Variants in CMAS observed in about 807,000 individuals in gnomAD.
CMAS encodes the protein N-acylneuraminate cytidylyltransferase.
In CMAS, 21 loss-of-function variants were observed where a neutral mutation model predicts 53.4. That is an observed-to-expected ratio of 0.39 (90% CI 0.28 to 0.57). The LOEUF (loss-of-function observed/expected upper bound fraction) is 0.57. CMAS is among the 20% of genes least tolerant of loss of function. CMAS has a pLI of 0.56. For missense variants in CMAS, 384 were observed against 534.9 expected, an observed-to-expected ratio of 0.72 and a Z score of 2.78; for synonymous variants, 189 against 195.2, an observed-to-expected ratio of 0.97 and a Z score of 0.27.
chr12:22,057,226 T>TACACACACACACACACACACACACACAC (rs71053371), intron 3 of CMAS, among the ~76,000 whole-genome samples: 1 of 133,852 alleles, frequency 7.5e-6, no homozygotes, highest in African/African-American at 2.9e-5. Flanking sequence ...AACCAGCTAT[T>TACACACACACACACACACACACACACAC]ACACACACAC....
chr12:22,060,948 T>C (rs755624595), intron 5 of CMAS, 22 bp downstream of exon 5: 1 of 1,315,078 alleles, frequency 7.6e-7, no homozygotes, highest in East Asian at 2.3e-5. Context: ...TAAACCTTTA[T>C]AACCTTTGTA....
intron 3 of CMAS, among the ~76,000 whole-genome samples, chr12:22,056,747 C>CT (rs569310819): frequency 4.9e-4 from 75 of 152,274 alleles, no homozygotes; most frequent in Admixed American, 1.0e-3. Flanking sequence ...AGATGACAAT[C>CT]TGTAACTCAA....
chr12:22,061,487 T>C, intron 6 of CMAS, 35 bp downstream of exon 6: 1 of 1,378,060 alleles, frequency 7.3e-7, no homozygotes, highest in South Asian at 1.4e-5. Flanking sequence ...TATTTTATAA[T>C]ATTTTGATTC....
At position 22,065,488 on chromosome 12, in the gene CMAS, C is replaced by T. The variant is rs1048499050; in HGVS notation, c.*177C>T. 7 of 545,074 alleles carry T rather than the reference C, an allele frequency of 1.3e-5. No homozygotes were observed. Among genetic ancestry groups the T allele is most frequent in the African/African-American group, 1.1e-4 (6 of 53,120 alleles). 33.8% of individuals were successfully genotyped at this position (545,074 alleles called of 1,614,324 possible). On this transcript the variant is annotated 3_prime_UTR_variant, in exon 8 of 8. Coordinates refer to ENST00000229329, the MANE Select transcript of CMAS (RefSeq NM_018686.6). ...AAGATAATTATTTAGAGACTGATTA[C>T]AGTCTTTCTCAGATTTTTAGTAAAT...
chr12:22,053,488 G>GCA (rs1565529614), intron 1 of CMAS, among the ~76,000 whole-genome samples: 1 of 144,806 alleles, frequency 6.9e-6, no homozygotes, highest in Non-Finnish European at 1.5e-5. Context: ...GTTTGTGTGT[G>GCA]TATATATATA....
chr12:22,053,866 G>A (rs1565529728), intron 1 of CMAS, among the ~76,000 whole-genome samples: 1 of 149,686 alleles, frequency 6.7e-6, no homozygotes, highest in Non-Finnish European at 1.5e-5. Flanking sequence ...GAGACACAGC[G>A]AGACTCCGTC....
At chr12:22,062,144 G>A (rs1591795198) in intron 6 of CMAS, 137 bp from the exon 7 acceptor site, 1 of 662,790 alleles carries the variant, frequency 1.5e-6, no homozygotes, top group Non-Finnish European at 2.3e-6. Context: ...TTTCTTACTT[G>A]GACCTTCAGA....
At chr12:22,054,327 C>T (rs1022081404) in intron 1 of CMAS, among the ~76,000 whole-genome samples, 2 of 152,188 alleles carry the variant, frequency 1.3e-5, no homozygotes, top group African/African-American at 4.8e-5. Context: ...GTACCCCTCT[C>T]CAAAACAGCA....
chr12:22,064,027 T>A (rs183305042), intron 7 of CMAS: 158 of 152,294 alleles, frequency 1.0e-3, no homozygotes, highest in African/African-American at 3.6e-3. Context: ...CTTTTATAAG[T>A]AAAATTTAGT....
At chr12:22,048,116 A>G (rs1950218237) in intron 1 of CMAS, among the ~76,000 whole-genome samples, 1 of 152,214 alleles carries the variant, frequency 6.6e-6, no homozygotes, top group Admixed American at 6.5e-5. Flanking sequence ...CTTACTGCCT[A>G]CCTACTATGT....
intron 1 of CMAS, among the ~76,000 whole-genome samples, chr12:22,046,955 CCT>C (rs1950211230): frequency 6.6e-6 from 1 of 152,128 alleles, no homozygotes; most frequent in Non-Finnish European, 1.5e-5. Context: ...TCGAAGCTCC[CCT>C]GTTGCTCAGC....
chr12:22,062,410 T>G lies in CMAS; in HGVS notation c.1090T>G (p.Cys364Gly). 16 of 1,613,486 alleles carry G rather than the reference T, an allele frequency of 9.9e-6. No homozygotes were observed. The highest frequency in any genetic ancestry group is 1.4e-5 in the Non-Finnish European group (16 of 1,179,640). ...TGAATGGAGAAAAGAAATGGGCCTGTGCTGGAAAGAAGTGGCATATCTTGG... is the reference window on the plus strand; with the variant it reads ...TGAATGGAGAAAAGAAATGGGCCTGGGCTGGAAAGAAGTGGCATATCTTGG... The part of the protein sequence containing the change: ...VDEWRKEMGL[C>G]WKEVAYLGNE... The change falls in exon 7 of 8, where the codon TGC becomes GGC. Residue 364 changes from cysteine to glycine, a missense_variant. Physicochemically the swap from Cys to Gly is radical, Grantham distance 159. Coordinates refer to ENST00000229329, the MANE Select transcript of CMAS (RefSeq NM_018686.6).
At position 22,046,347 on chromosome 12, in the gene CMAS, C is replaced by G; in HGVS notation, c.44C>G (p.Pro15Arg). The G allele has an allele frequency of 6.6e-7, 1 of 1,520,374 alleles. No homozygotes were observed. 94.2% of individuals were successfully genotyped at this position (1,520,374 alleles called of 1,614,324 possible). A position where few individuals can be genotyped will look rare whatever the true frequency, so the allele number is the denominator to read the frequency against. Residue 15 changes from proline (P) to arginine (R), a missense_variant, in exon 1 of 8, where the codon CCG (proline) becomes CGG (arginine). Pro to Arg is a moderately radical substitution (Grantham distance 103). Coordinates refer to ENST00000229329, the MANE Select transcript of CMAS (RefSeq NM_018686.6). ...EKGAATSVSNPRGRPSRGRPP... is the reference protein window; with the variant it reads ...EKGAATSVSNRRGRPSRGRPP... ...GGGGCCGCCACCTCCGTCTCCAACCCGCGGGGGCGACCGTCCCGGGGCCGG... is the reference window on the plus strand; with the variant it reads ...GGGGCCGCCACCTCCGTCTCCAACCGGCGGGGGCGACCGTCCCGGGGCCGG...
chr12:22,056,897 G>A (rs1338575903), intron 3 of CMAS, among the ~76,000 whole-genome samples: 1 of 152,018 alleles, frequency 6.6e-6, no homozygotes, highest in Non-Finnish European at 1.5e-5. Context: ...ACCGATACTA[G>A]GAAAGATTTG....
chr12:22,058,438 G>T, intron 3 of CMAS, 129 bp from the exon 4 acceptor site: 11 of 709,692 alleles, frequency 1.5e-5, no homozygotes, highest in Middle Eastern at 3.0e-4. Context: ...AAAAAAAAAA[G>T]AAAAGTTCTT....
rs148109828 is a variant in CMAS at position 22,048,278 on chromosome 12, A to C, written c.260+1715A>C. ...CGTTATGATAAATATTTTTAAGAAA[A>C]AGTAAAGCAGGATAAGAGGATGGTG... On this transcript the variant is annotated intron_variant, in intron 1 of 7. Coordinates refer to ENST00000229329, the MANE Select transcript of CMAS (RefSeq NM_018686.6). Among the ~76,000 whole-genome samples, 1,045 of 152,296 alleles carry C rather than the reference A, an allele frequency of 6.9e-3. 13 individuals are homozygous for C. Among genetic ancestry groups the C allele is most frequent in the African/African-American group, 0.024 (998 of 41,556 alleles).
At chr12:22,046,642 C>G (rs776077372) in intron 1 of CMAS, 79 bp downstream of exon 1, 22 of 1,385,226 alleles carry the variant, frequency 1.6e-5, no homozygotes, top group Non-Finnish European at 2.1e-5. Context: ...GGGCTGGGGC[C>G]TCCGGGGCCA....
At chr12:22,063,632 T>C (rs962897253) in intron 7 of CMAS, 4 of 151,448 alleles carry the variant, frequency 2.6e-5, no homozygotes, top group Admixed American at 6.6e-5. Context: ...AGTGATTATC[T>C]ACAAATAGTG....
intron 3 of CMAS, 42 bp from the exon 4 acceptor site, chr12:22,058,525 T>C (rs1271159123): frequency 1.3e-6 from 2 of 1,563,636 alleles, no homozygotes; most frequent in Non-Finnish European, 8.7e-7. Context: ...ACACTTTCTA[T>C]ATTCAGGGCA....
Sources: gnomAD v4.1 joint callset for allele counts (sites outside exome capture counted in the v4.1 genomes callset) on GRCh38, gnomAD v4.1.1 for gene constraint, MANE v1.5 for transcripts, NCBI Gene and HGNC (gene_info 2026-07-23, HGNC 2026-07-21) for gene names.